The following TMEM132A variants were observed in gnomAD, a reference collection of about 807,000 sequenced individuals.
TMEM132A encodes the protein transmembrane protein 132A.
Under a neutral mutation model 69.9 loss-of-function variants are expected in TMEM132A, and 48 were observed. The observed-to-expected ratio is 0.69, with a 90% confidence interval of 0.55 to 0.87. The LOEUF is 0.87. Among genes scored for constraint, TMEM132A ranks in the 40% least tolerant of loss-of-function variants. The pLI, the probability that TMEM132A is intolerant of heterozygous loss-of-function variation, is 0.00. For missense variants in TMEM132A, 1,287 were observed against 1,407.2 expected, an observed-to-expected ratio of 0.91 and a Z score of 1.37; for synonymous variants, 577 against 613.7, an observed-to-expected ratio of 0.94 and a Z score of 0.88.
chr11:60,936,757 C>G lies in TMEM132A; in HGVS notation c.2922C>G (p.Ala974=), dbSNP rs1322299789. ...EFVTFAPAPP[A]QSPEEPVGAP... is the part of the protein sequence containing the mutation. ...TGACATTTGCGCCAGCCCCTCCAGC[C>G]CAGTCACCTGAGGAGCCTGTAGGGG... Residue 974 remains alanine (A), a synonymous_variant, in exon 11 of 11, where the codon GCC becomes GCG. Coordinates refer to ENST00000453848, the MANE Select transcript of TMEM132A (RefSeq NM_178031.3). 6.2e-7 allele frequency: 1 copy of G among 1,610,184 alleles called. No homozygotes were observed. Among genetic ancestry groups the G allele is most frequent in the Non-Finnish European group, 8.5e-7 (1 of 1,178,636 alleles).
chr11:60,935,711 C>A lies in TMEM132A; in HGVS notation c.2029-153C>A. The A allele has an allele frequency of 2.1e-6, 2 of 950,642 alleles. No individual in the cohort carries two copies. Among genetic ancestry groups the A allele is most frequent in the Non-Finnish European group, 3.1e-6 (2 of 635,502 alleles). The allele number at this position is 950,642 out of a possible 1,614,324, so 58.9% of individuals were successfully genotyped here. On this transcript the variant is annotated intron_variant, in intron 10 of 10. Transcript: ENST00000453848. The surrounding 1 kb of genome is among the most constrained non-coding windows in gnomAD (Gnocchi z 5.0). The stretch of plus-strand genomic sequence containing the variant: ...CTGAGTGGCAGACAGGTGATTGACA[C>A]GCGTCCCCTCTCTCCCTGTGTTTTG...
chr11:60,933,292 C>G (rs1856518885), intron 7 of TMEM132A: 1 of 530,468 alleles, frequency 1.9e-6, no homozygotes, highest in African/African-American at 1.9e-5. Flanking sequence ...AAGGGATCCT[C>G]CCACCTCAGC....
chr11:60,930,913 C>A (rs1590626108), intron 5 of TMEM132A, among the ~76,000 whole-genome samples: 1 of 152,348 alleles, frequency 6.6e-6, no homozygotes, highest in East Asian at 1.9e-4. Flanking sequence ...GAGATGCCAA[C>A]CAATCCTGTG....
chr11:60,927,530 G>C (rs1554983180), intron 2 of TMEM132A, 111 bp from the exon 3 acceptor site: 1 of 1,403,674 alleles, frequency 7.1e-7, no homozygotes, highest in Non-Finnish European at 9.7e-7. Flanking sequence ...ATATTCCAGA[G>C]GGGGAAACTG....
At chr11:60,934,931 G>A (rs1356134040) in intron 9 of TMEM132A, among the ~76,000 whole-genome samples, 167 bp downstream of exon 9, 1 of 136,070 alleles carries the variant, frequency 7.3e-6, no homozygotes, top group Non-Finnish European at 1.7e-5. Context: ...AGAATGGGGT[G>A]GCCGCATAAG....
rs1283075421 is a variant in TMEM132A at position 60,924,669 on chromosome 11, C to T, written c.36C>T (p.Ala12=). The change falls in exon 1 of 11, where the codon GCC becomes GCT. Residue 12 remains alanine, a synonymous_variant. Transcript: ENST00000453848. ...GGATGGCCGGTCGCACAACAGCGGC[C>T]CCTCGGGGGCCCTACGGCCCCTGGC... ...CARMAGRTTA[A]PRGPYGPWLC... The T allele has an allele frequency of 6.3e-7, 1 of 1,593,692 alleles. No individual in the cohort carries two copies. The highest frequency in any genetic ancestry group is 2.3e-5 in the East Asian group (1 of 44,198).
intron 5 of TMEM132A, 155 bp from the exon 6 acceptor site, chr11:60,931,534 G>C: frequency 1.4e-6 from 1 of 731,684 alleles, no homozygotes. Flanking sequence ...TCCCAGCCCC[G>C]CTACTTTTTG....
chr11:60,931,599 A>C, intron 5 of TMEM132A, 90 bp from the exon 6 acceptor site: 1 of 1,325,832 alleles, frequency 7.5e-7, no homozygotes, highest in Non-Finnish European at 1.0e-6. Context: ...CCTCCTGTGT[A>C]AAATGGGGAT....
At chr11:60,929,080 AC>A in intron 4 of TMEM132A, 120 bp downstream of exon 4, 1 of 953,888 alleles carries the variant, frequency 1.0e-6, no homozygotes, top group Non-Finnish European at 1.6e-6. Flanking sequence ...ACATGTGTCC[AC>A]CAAACTAAAC....
At chr11:60,934,467 C>T in intron 8 of TMEM132A, 21 bp from the exon 9 acceptor site, 5 of 1,365,938 alleles carry the variant, frequency 3.7e-6, no homozygotes, top group Non-Finnish European at 3.8e-6. Context: ...GACGGCCAGT[C>T]CCGGCCTCCC....
intron 1 of TMEM132A, among the ~76,000 whole-genome samples, 186 bp downstream of exon 1, chr11:60,924,919 C>A (rs1856317543): frequency 1.3e-5 from 2 of 152,094 alleles, no homozygotes; most frequent in African/African-American, 4.8e-5. Context: ...GCCCCTAAGG[C>A]TTCCTTCACC....
Position 60,928,750 on chromosome 11 carries a change from G to A in TMEM132A, c.656G>A (p.Cys219Tyr). Reference protein sequence around the residue: ...LEPAAEGPGGCGSGEENDPGE... With the variant: ...LEPAAEGPGGYGSGEENDPGE... Reference sequence around the variant, plus strand: ...CCTGCAGCTGAGGGCCCTGGGGGCTGTGGCTCCGGCGAGGAGAACGACCCT... The same window carrying A: ...CCTGCAGCTGAGGGCCCTGGGGGCTATGGCTCCGGCGAGGAGAACGACCCT... The change falls in exon 4 of 11, where the codon TGT (cysteine) becomes TAT (tyrosine). Residue 219 changes from cysteine (C) to tyrosine (Y), a missense_variant. Coordinates refer to ENST00000453848, the MANE Select transcript of TMEM132A (RefSeq NM_178031.3). 1 of 1,609,098 alleles carries A rather than the reference G, an allele frequency of 6.2e-7. No individual in the cohort carries two copies. The highest frequency in any genetic ancestry group is 8.5e-7 in the Non-Finnish European group (1 of 1,178,392).
At chr11:60,934,010 T>C in intron 8 of TMEM132A, 1 of 517,164 alleles carries the variant, frequency 1.9e-6, no homozygotes, top group Non-Finnish European at 3.4e-6. Flanking sequence ...CTGGTTAATG[T>C]TGCCTGTCCA....
chr11:60,931,808 A>C lies in TMEM132A; in HGVS notation c.1136A>C (p.Glu379Ala). The C allele has an allele frequency of 6.2e-7, 1 of 1,614,212 alleles. No individual in the cohort carries two copies. The highest frequency in any genetic ancestry group is 8.5e-7 in the Non-Finnish European group (1 of 1,180,034). The change falls in exon 6 of 11, where the codon GAA becomes GCA. Residue 379 changes from glutamate to alanine, a missense_variant. Physicochemically the swap from Glu to Ala is moderately radical, Grantham distance 107. Transcript: ENST00000453848. ...CTGGAGTACCCAGGCCAGGCCCCTG[A>C]AGCAGAGAAGGACAAAATGGTGTGG... ...WQLEYPGQAP[E>A]AEKDKMVWEI...
rs1305182492 is a variant in TMEM132A, at chr11:60,936,149, C to G, written c.2314C>G (p.Pro772Ala). 3 of 1,613,784 alleles carry G rather than the reference C, an allele frequency of 1.9e-6. No individual in the cohort carries two copies. Among genetic ancestry groups the G allele is most frequent in the South Asian group, 2.2e-5 (2 of 91,082 alleles). ...AWLGLPPAST[P>A]APALPSSPAW... ...GCTGGGGCTGCCCCCTGCCTCCACT[C>G]CAGCCCCTGCTCTCCCATCCAGCCC... Residue 772 changes from proline to alanine, a missense_variant, in exon 11 of 11, where the codon CCA becomes GCA. Coordinates refer to ENST00000453848, the MANE Select transcript of TMEM132A (RefSeq NM_178031.3).
chr11:60,936,898 C>T lies in TMEM132A; in HGVS notation c.3063C>T (p.Gly1021=). The part of the protein sequence containing the change: ...ELRNYMERIR[G]SS ...GCAACTACATGGAGAGGATCCGGGGCAGCTCCTGACCCTCCACAGCCACCT... is the reference window on the plus strand; with the variant it reads ...GCAACTACATGGAGAGGATCCGGGGTAGCTCCTGACCCTCCACAGCCACCT... Residue 1021 remains glycine, a synonymous_variant, in exon 11 of 11, where the codon GGC becomes GGT. Coordinates refer to ENST00000453848, the MANE Select transcript of TMEM132A (RefSeq NM_178031.3). The T allele has an allele frequency of 6.5e-7, 1 of 1,540,078 alleles. No individual in the cohort carries two copies. Among genetic ancestry groups the T allele is most frequent in the Non-Finnish European group, 8.8e-7 (1 of 1,142,676 alleles).
At chr11:60,930,418 T>A in intron 4 of TMEM132A, 92 bp from the exon 5 acceptor site, 1 of 1,418,522 alleles carries the variant, frequency 7.0e-7, no homozygotes, top group Non-Finnish European at 9.4e-7. Context: ...GCCAGGGAGG[T>A]CAGATGGCTT....
In TMEM132A at chr11:60,935,967, C is replaced by A; in HGVS notation, c.2132C>A (p.Pro711His). Reference protein sequence around the residue: ...DLGLSVSAEEPGAILPAEEQG... With the variant: ...DLGLSVSAEEHGAILPAEEQG... ...GGACTGTCCGTCTCAGCCGAGGAGC[C>A]TGGTGCCATCCTGCCAGCTGAGGAG... Residue 711 changes from proline (P) to histidine (H), a missense_variant, in exon 11 of 11, where the codon CCT (proline) becomes CAT (histidine). Coordinates refer to ENST00000453848, the MANE Select transcript of TMEM132A (RefSeq NM_178031.3). The surrounding 1 kb of genome is among the most constrained non-coding windows in gnomAD (Gnocchi z 5.0). 6.2e-7 allele frequency: 1 copy of A among 1,611,418 alleles called. No individual in the cohort carries two copies.
chr11:60,933,361 T>G, intron 7 of TMEM132A, 181 bp from the exon 8 acceptor site: 1 of 590,722 alleles, frequency 1.7e-6, no homozygotes. Flanking sequence ...TTATTGTATT[T>G]TTTGTAGAGA....
Sources: allele counts gnomAD v4.1 joint callset (sites outside exome capture counted in the v4.1 genomes callset), GRCh38; gene constraint gnomAD v4.1.1; non-coding constraint Gnocchi (gnomAD v3.1); transcripts MANE v1.5; gene names NCBI Gene and HGNC (gene_info 2026-07-23, HGNC 2026-07-21).